CNOT7: variants seen among roughly 807,000 people sequenced by gnomAD.
The protein encoded by CNOT7 is BTG1-binding factor 1.
In CNOT7, 4 loss-of-function variants were observed where a neutral mutation model predicts 37.1. The observed-to-expected ratio is 0.11, with a 90% CI of 0.05 to 0.25. CNOT7 has a LOEUF of 0.25. Among genes scored for constraint, CNOT7 ranks in the 10% least tolerant of loss-of-function variants. CNOT7 has a pLI of 1.00. For missense variants in CNOT7, 170 were observed against 336.2 expected (o/e 0.51, Z 3.87); for synonymous variants, 128 against 115.6 (o/e 1.11, Z -0.69).
At chr8:17,232,679 C>G in intron 5 of CNOT7, 142 bp from the exon 6 acceptor site, 1 of 668,632 alleles carries the variant, frequency 1.5e-6, no homozygotes, top group East Asian at 2.7e-5. Flanking sequence ...GGGGAAGAAA[C>G]AGAGAATGTG....
chr8:17,230,643 G>A lies in CNOT7; in HGVS notation c.*77C>T, dbSNP rs749348084. 1.8e-5 allele frequency: 23 copies of A among 1,295,070 alleles called. No individual in the cohort carries two copies. The highest frequency in any genetic ancestry group is 5.2e-5 in the South Asian group (3 of 57,540). 80.2% of individuals were successfully genotyped at this position (1,295,070 alleles called of 1,614,324 possible). ...GGGGGAAAGGTACTGTCTATTGTTC[G>A]AGGGATTCAACCAGAGATAAAACCT... On this transcript the variant is annotated 3_prime_UTR_variant, in exon 7 of 7. Coordinates refer to ENST00000361272, the MANE Select transcript of CNOT7 (RefSeq NM_013354.7).
rs201194308 is a variant in CNOT7, at chr8:17,229,837, T to C, written c.*883A>G. ...GAGCATCATAAGAATGGCTACAAAA[T>C]TTAAAAAAAAAAAAAGGGTAAATGG... On this transcript the variant is annotated 3_prime_UTR_variant, in exon 7 of 7. Transcript: ENST00000361272. The C allele has an allele frequency of 9.9e-6, 1 of 101,482 alleles. No homozygotes were observed. Among genetic ancestry groups the C allele is most frequent in the Non-Finnish European group, 2.7e-5 (1 of 37,034 alleles). 6.3% of individuals were successfully genotyped at this position (101,482 alleles called of 1,614,324 possible). A position where few individuals can be genotyped will look rare whatever the true frequency, so the allele number is the denominator to read the frequency against.
chr8:17,235,677 A>G (rs1809255286), intron 4 of CNOT7, among the ~76,000 whole-genome samples: 1 of 152,198 alleles, frequency 6.6e-6, no homozygotes, highest in Non-Finnish European at 1.5e-5. Flanking sequence ...CTCTAACAGG[A>G]AGCCTATATG....
In CNOT7 at chr8:17,234,586, C is replaced by G. The variant is rs914634828; in HGVS notation, c.618+130G>C. 3.2e-6 allele frequency: 3 copies of G among 945,132 alleles called. No homozygotes were observed. In the Admixed American group the frequency reaches 6.3e-5, roughly 20 times the overall value. 58.5% of individuals were successfully genotyped at this position (945,132 alleles called of 1,614,324 possible). ...TATGCAAGAAAAAAAATCACATGAC[C>G]AGATAATATAATTGCATTCACTGTA... On this transcript the variant is annotated intron_variant, in intron 5 of 6. Transcript: ENST00000361272.
rs2150963552 is a variant in CNOT7 at position 17,228,866 on chromosome 8, A to G, written c.*1854T>C. 6.6e-6 allele frequency: 1 copy of G among 152,128 alleles called. No individual in the cohort carries two copies. The highest frequency in any genetic ancestry group is 2.1e-4 in the South Asian group (1 of 4,828). 9.4% of individuals were successfully genotyped at this position (152,128 alleles called of 1,614,324 possible). A position where few individuals can be genotyped will look rare whatever the true frequency, so the allele number is the denominator to read the frequency against. On this transcript the variant is annotated 3_prime_UTR_variant, in exon 7 of 7. Transcript: ENST00000361272. ...CAAATCACAAGCGAAAAGAAGCTTCACTTCCTTTTTAACGAAGACAAAAGA... is the reference window on the plus strand; with the variant it reads ...CAAATCACAAGCGAAAAGAAGCTTCGCTTCCTTTTTAACGAAGACAAAAGA...
chr8:17,246,848 C>A lies in CNOT7; in HGVS notation c.-269G>T. On this transcript the variant is annotated 5_prime_UTR_variant, in exon 1 of 7. Coordinates refer to ENST00000361272, the MANE Select transcript of CNOT7 (RefSeq NM_013354.7). ...TGCGCCGCACCGTGCTGCGCCGTCG[C>A]TTTTCGCACGTCCTGACGGGGGCGC... 6.6e-6 allele frequency: 2 copies of A among 301,204 alleles called. No individual in the cohort carries two copies. Among genetic ancestry groups the A allele is most frequent in the Non-Finnish European group, 6.4e-6 (1 of 155,904 alleles). The allele number at this position is 301,204 out of a possible 1,614,324, so 18.7% of individuals were successfully genotyped here.
Position 17,243,092 on chromosome 8 carries a change from A to G in CNOT7, c.211T>C (p.Leu71=). ...AGTCCTAGCTGAATTATCTTTAACA[A>G]GTCTACATTACACCGCAATAGTTGG... is the stretch of plus-strand genomic sequence containing the variant. ...QYQLLRCNVD[L]LKIIQLGLTF... Residue 71 remains leucine, a synonymous_variant, in exon 3 of 7, where the codon TTG becomes CTG. Transcript: ENST00000361272. 6.2e-7 allele frequency: 1 copy of G among 1,612,774 alleles called. No homozygotes were observed. Among genetic ancestry groups the G allele is most frequent in the Non-Finnish European group, 8.5e-7 (1 of 1,179,610 alleles).
chr8:17,226,675 A>T lies in CNOT7; in HGVS notation c.*4045T>A, dbSNP rs1195496447. The T allele has an allele frequency of 1.3e-5, 2 of 151,782 alleles. No homozygotes were observed. Among genetic ancestry groups the T allele is most frequent in the African/African-American group, 4.8e-5 (2 of 41,412 alleles). The allele number at this position is 151,782 out of a possible 1,614,324, so 9.4% of individuals were successfully genotyped here. On this transcript the variant is annotated 3_prime_UTR_variant, in exon 7 of 7. Coordinates refer to ENST00000361272, the MANE Select transcript of CNOT7 (RefSeq NM_013354.7). ...ATATCCACTAAAAATGGATTTGGCA[A>T]TACAGCGCTGTTTTGACTTCTCATA...
At chr8:17,235,503 T>A (rs1405557133) in intron 4 of CNOT7, among the ~76,000 whole-genome samples, 1 of 152,034 alleles carries the variant, frequency 6.6e-6, no homozygotes, top group Non-Finnish European at 1.5e-5. Flanking sequence ...AAGTGAAGGG[T>A]AGTAAAAAAA....
rs1009835771 is a variant in CNOT7 at position 17,229,398 on chromosome 8, A to G, written c.*1322T>C. The stretch of plus-strand genomic sequence containing the variant: ...AAACCAATGTGACTAACATTTGGAG[A>G]TTTGCTAATATTACTGATTGAAGTG... On this transcript the variant is annotated 3_prime_UTR_variant, in exon 7 of 7. Coordinates refer to ENST00000361272, the MANE Select transcript of CNOT7 (RefSeq NM_013354.7). 3 of 152,310 alleles carry G rather than the reference A, an allele frequency of 2.0e-5. No individual in the cohort carries two copies. Among genetic ancestry groups the G allele is most frequent in the Non-Finnish European group, 4.4e-5 (3 of 67,834 alleles). The allele number at this position is 152,310 out of a possible 1,614,324, so 9.4% of individuals were successfully genotyped here. A position where few individuals can be genotyped will look rare whatever the true frequency, so the allele number is the denominator to read the frequency against.
At chr8:17,241,275 A>AT (rs376615996) in intron 3 of CNOT7, 68,473 of 130,736 alleles carry the variant, frequency 0.52, 21,016 homozygotes, top group Non-Finnish European at 0.71. Context: ...GCTTAGTTTC[A>AT]TTTTTTTTTT....
chr8:17,234,003 G>A (rs1362264494), intron 5 of CNOT7, among the ~76,000 whole-genome samples: 1 of 152,124 alleles, frequency 6.6e-6, no homozygotes, highest in Non-Finnish European at 1.5e-5. Flanking sequence ...GCAGTGAGCC[G>A]AGACCACGCC....
rs1322948154 is a variant in CNOT7, at chr8:17,246,820, AGCT to A, written c.-244_-242del. ...CCCAGCGAAGGGAAAGGCGAGCAGG[AGCT>A]GCGCCGCACCGTGCTGCGCCGTCGC... On this transcript the variant is annotated 5_prime_UTR_variant, in exon 1 of 7. Transcript: ENST00000361272. The A allele has an allele frequency of 4.5e-6, 1 of 221,248 alleles. No homozygotes were observed. Among genetic ancestry groups the A allele is most frequent in the East Asian group, 1.6e-4 (1 of 6,122 alleles). The allele number at this position is 221,248 out of a possible 1,614,324, so 13.7% of individuals were successfully genotyped here. A position where few individuals can be genotyped will look rare whatever the true frequency, so the allele number is the denominator to read the frequency against.
intron 3 of CNOT7, among the ~76,000 whole-genome samples, chr8:17,238,971 C>T (rs1400781602): frequency 1.3e-5 from 2 of 152,218 alleles, no homozygotes; most frequent in African/African-American, 4.8e-5. Flanking sequence ...CTATCTTTAT[C>T]CTAACATACA....
At chr8:17,239,742 C>T (rs957400080) in intron 3 of CNOT7, among the ~76,000 whole-genome samples, 3 of 151,966 alleles carry the variant, frequency 2.0e-5, no homozygotes, top group Non-Finnish European at 4.4e-5. Flanking sequence ...ATCCGCCCGC[C>T]TCGGCCTCCC....
Position 17,228,642 on chromosome 8 carries a change from A to G in CNOT7, c.*2078T>C, listed in dbSNP as rs1053510217. On this transcript the variant is annotated 3_prime_UTR_variant, in exon 7 of 7. Coordinates refer to ENST00000361272, the MANE Select transcript of CNOT7 (RefSeq NM_013354.7). ...GGTTACCTCTCAATACACCCACTGT[A>G]AAGTTGAAAAATCATTAAGTCGAAA... 1 of 151,938 alleles carries G rather than the reference A, an allele frequency of 6.6e-6. No homozygotes were observed. The highest frequency in any genetic ancestry group is 2.4e-5 in the African/African-American group (1 of 41,444). 9.4% of individuals were successfully genotyped at this position (151,938 alleles called of 1,614,324 possible).
At chr8:17,241,792 C>T in intron 3 of CNOT7, 1 of 152,122 alleles carries the variant, frequency 6.6e-6, no homozygotes, top group East Asian at 1.9e-4. Flanking sequence ...GAGTTAAGTT[C>T]CTACGGCATA....
At chr8:17,246,060 C>T (rs1810986314) in intron 1 of CNOT7, 1 of 152,162 alleles carries the variant, frequency 6.6e-6, no homozygotes, top group African/African-American at 2.4e-5. Flanking sequence ...TAAAGGAGAT[C>T]CAGGACACCC....
intron 3 of CNOT7, among the ~76,000 whole-genome samples, chr8:17,239,112 G>C (rs1809790948): frequency 6.6e-6 from 1 of 152,192 alleles, no homozygotes; most frequent in Admixed American, 6.5e-5. Context: ...GGAAGCAGTG[G>C]CTTGAACACG....
Sources: allele counts gnomAD v4.1 joint callset (sites outside exome capture counted in the v4.1 genomes callset), GRCh38; gene constraint gnomAD v4.1.1; transcripts MANE v1.5; gene names NCBI Gene and HGNC (gene_info 2026-07-23, HGNC 2026-07-21).